SBF2: variants seen among roughly 807,000 people sequenced by gnomAD.
SBF2 encodes the protein SET binding factor 2.
In SBF2, 112 loss-of-function variants were observed where a neutral mutation model predicts 225.2. The observed-to-expected ratio is 0.50, with a 90% confidence interval of 0.43 to 0.58. The LOEUF (loss-of-function observed/expected upper bound fraction) is 0.58, where lower values mean the gene tolerates loss of function less well. SBF2 is among the 20% of genes least tolerant of loss of function. The pLI is 0.00. For synonymous variants in SBF2, 763 were observed against 773.3 expected, an observed-to-expected ratio of 0.99 and a Z score of 0.22; for missense variants, 1,996 against 2,206.2, an observed-to-expected ratio of 0.90 and a Z score of 1.91.
chr11:9,871,496 T>TATTATC (rs1443123047), intron 17 of SBF2, among the ~76,000 whole-genome samples: 1 of 147,422 alleles, frequency 6.8e-6, no homozygotes, highest in Non-Finnish European at 1.5e-5. Context: ...TTATTATTAT[T>TATTATC]ATTATTATTA....
chr11:9,962,093 G>GC lies in SBF2; in HGVS notation c.1723dup (p.Ala575GlyfsTer6). On this transcript the variant is annotated frameshift_variant, in exon 16 of 40. Coordinates refer to ENST00000256190, the MANE Select transcript of SBF2 (RefSeq NM_030962.4). LOFTEE classifies it high-confidence loss of function. The stretch of plus-strand genomic sequence containing the variant: ...TGCCTTTCCTTTAAGGGCTCTGAGT[G>GC]CAGCAGGAAGGGTCTGAGGACAAGA... 6.2e-7 allele frequency: 1 copy of GC among 1,614,080 alleles called. No individual in the cohort carries two copies. The highest frequency in any genetic ancestry group is 1.1e-5 in the South Asian group (1 of 91,090).
chr11:10,079,189 C>T (rs892169740), intron 2 of SBF2, among the ~76,000 whole-genome samples: 26 of 151,932 alleles, frequency 1.7e-4, no homozygotes, highest in Non-Finnish European at 3.4e-4. Flanking sequence ...AAAGAAACGC[C>T]GTAATTCTAT....
chr11:9,898,596 G>A (rs1861464136), intron 16 of SBF2, among the ~76,000 whole-genome samples: 1 of 152,094 alleles, frequency 6.6e-6, no homozygotes, highest in African/African-American at 2.4e-5. Context: ...GCTTGAACCT[G>A]GGAGGCACAG....
At chr11:9,785,379 A>C in intron 36 of SBF2, 61 bp from the exon 37 acceptor site, 1 of 1,040,400 alleles carries the variant, frequency 9.6e-7, no homozygotes, top group Non-Finnish European at 1.4e-6. Flanking sequence ...CTGACTGGAA[A>C]ATTTCATTTA....
intron 2 of SBF2, among the ~76,000 whole-genome samples, chr11:10,114,928 G>GC: frequency 6.6e-6 from 1 of 152,276 alleles, no homozygotes; most frequent in African/African-American, 2.4e-5. Context: ...AGCCTGGTGT[G>GC]CCTGGAGCTA....
chr11:10,121,848 C>T (rs1009933272), intron 2 of SBF2, among the ~76,000 whole-genome samples: 2 of 152,202 alleles, frequency 1.3e-5, no homozygotes, highest in Non-Finnish European at 2.9e-5. Flanking sequence ...TGTCACCACT[C>T]CATCCAGCCT....
chr11:9,988,965 A>G (rs1045709508), intron 13 of SBF2, among the ~76,000 whole-genome samples: 6 of 152,156 alleles, frequency 3.9e-5, no homozygotes, highest in Non-Finnish European at 5.9e-5. Context: ...TGTTTACAGC[A>G]GCACAATTCA....
intron 6 of SBF2, among the ~76,000 whole-genome samples, chr11:10,013,927 A>G (rs1038071693): frequency 8.5e-5 from 13 of 152,188 alleles, no homozygotes; most frequent in Admixed American, 5.9e-4. Flanking sequence ...ACTCATAAAT[A>G]TCTACTTTTT....
At chr11:9,874,837 T>C (rs1859082133) in intron 17 of SBF2, among the ~76,000 whole-genome samples, 1 of 152,216 alleles carries the variant, frequency 6.6e-6, no homozygotes, top group Non-Finnish European at 1.5e-5. Flanking sequence ...TTGACTTGCA[T>C]GTACATCTGC....
chr11:10,197,682 G>A (rs576546528), intron 1 of SBF2, among the ~76,000 whole-genome samples: 1 of 152,180 alleles, frequency 6.6e-6, no homozygotes, highest in Non-Finnish European at 1.5e-5. Flanking sequence ...GCTGTTTGAT[G>A]TTATTTTACC....
intron 32 of SBF2, among the ~76,000 whole-genome samples, chr11:9,798,527 C>T (rs1853273722): frequency 6.6e-6 from 1 of 152,238 alleles, no homozygotes. Context: ...ACTGCCCCAA[C>T]AGCCCTTGGG....
intron 6 of SBF2, among the ~76,000 whole-genome samples, chr11:10,026,527 C>G (rs1949061655): frequency 1.3e-5 from 2 of 151,952 alleles, no homozygotes; most frequent in African/African-American, 4.8e-5. Context: ...GCCCAGGAGT[C>G]TGAGAACAGC....
intron 2 of SBF2, among the ~76,000 whole-genome samples, chr11:10,146,980 T>G (rs1029137809): frequency 1.3e-5 from 2 of 151,290 alleles, no homozygotes; most frequent in African/African-American, 4.9e-5. Context: ...TCACTAATCA[T>G]TAGGGAAATG....
chr11:9,965,952 T>C (rs1326110257), intron 14 of SBF2, among the ~76,000 whole-genome samples: 1 of 152,190 alleles, frequency 6.6e-6, no homozygotes, highest in African/African-American at 2.4e-5. Flanking sequence ...AAACTTACAA[T>C]CTCCAATTAA....
At chr11:9,881,668 T>C (rs550466778) in intron 17 of SBF2, among the ~76,000 whole-genome samples, 3 of 152,118 alleles carry the variant, frequency 2.0e-5, no homozygotes, top group African/African-American at 7.2e-5. Context: ...CAGCTTCAGC[T>C]AGCCTTCTTG....
intron 1 of SBF2, among the ~76,000 whole-genome samples, chr11:10,236,619 C>A (rs952239929): frequency 2.0e-5 from 3 of 152,088 alleles, no homozygotes; most frequent in Non-Finnish European, 2.9e-5. Context: ...ACCACTATAC[C>A]CAGCTAATTT....
At chr11:10,219,048 C>T (rs893771140) in intron 1 of SBF2, among the ~76,000 whole-genome samples, 2 of 152,150 alleles carry the variant, frequency 1.3e-5, no homozygotes, top group Non-Finnish European at 2.9e-5. Context: ...CTCGTAGCTC[C>T]ACTAGGCAGT....
At position 10,247,962 on chromosome 11, in the gene SBF2, T is replaced by C. The variant is rs148425804; in HGVS notation, c.55+46053A>G. ...CACCCCTTCCCAGTTTTAAAGATTA[T>C]TGGTAAAATAAAAATGTCTTCAAAA... is the stretch of plus-strand genomic sequence containing the variant. On this transcript the variant is annotated intron_variant, in intron 1 of 39. Transcript: ENST00000256190. Among the ~76,000 whole-genome samples the C allele has an allele frequency of 3.0e-3, 456 of 152,322 alleles. 1 individual carries two copies. Among genetic ancestry groups the C allele is most frequent in the Middle Eastern group, 0.024 (7 of 294 alleles).
At chr11:9,876,359 A>C (rs187450284) in intron 17 of SBF2, among the ~76,000 whole-genome samples, 82 of 152,226 alleles carry the variant, frequency 5.4e-4, no homozygotes, top group African/African-American at 2.0e-3. Flanking sequence ...TATAAACTGA[A>C]TGTTTGTGTC....
Sources: gnomAD v4.1 joint callset for allele counts (sites outside exome capture counted in the v4.1 genomes callset) on GRCh38, gnomAD v4.1.1 for gene constraint, MANE v1.5 for transcripts, NCBI Gene and HGNC (gene_info 2026-07-23, HGNC 2026-07-21) for gene names.